Variants in FOXN3 observed in about 807,000 individuals in gnomAD.
FOXN3 encodes the protein forkhead box N3, also known as forkhead box protein N3.
Under a neutral mutation model 38.4 loss-of-function variants are expected in FOXN3, and 7 were observed. The ratio of observed to expected loss-of-function variants is 0.18; its 90% CI spans 0.10 to 0.34. The LOEUF (loss-of-function observed/expected upper bound fraction) is 0.34, where lower values mean the gene tolerates loss of function less well. Among genes scored for constraint, FOXN3 ranks in the 10% least tolerant of loss-of-function variants. The pLI is 1.00. For missense variants in FOXN3, 456 were observed against 613.4 expected (o/e 0.74, Z 2.71); for synonymous variants, 230 against 242.2 (o/e 0.95, Z 0.47).
At chr14:89,435,523 C>A (rs1892257867) in intron 1 of FOXN3, among the ~76,000 whole-genome samples, 1 of 152,180 alleles carries the variant, frequency 6.6e-6, no homozygotes, top group African/African-American at 2.4e-5. Context: ...CCATGGCGCT[C>A]CCAGATAGAC....
rs180801041 is a variant in FOXN3, at chr14:89,293,392, G to C, written c.681-12378C>G. ...AGAAATTCCTCCTCTCACAGTCCTG[G>C]AGGGCAGAAGTCCAAGATCAAGGGG... On this transcript the variant is annotated intron_variant, in intron 3 of 5. Transcript: ENST00000557258. Among the ~76,000 whole-genome samples, 328 of 152,326 alleles carry C rather than the reference G, an allele frequency of 2.2e-3. 2 individuals carry two copies. Among genetic ancestry groups the C allele is most frequent in the African/African-American group, 7.5e-3 (312 of 41,562 alleles).
At chr14:89,258,325 G>A (rs1885690555) in intron 4 of FOXN3, among the ~76,000 whole-genome samples, 1 of 152,228 alleles carries the variant, frequency 6.6e-6, no homozygotes, top group African/African-American at 2.4e-5. Context: ...GGGAAAGAAA[G>A]CTTCATAACC....
intron 2 of FOXN3, among the ~76,000 whole-genome samples, chr14:89,381,532 C>CAAAAAAAAAAAAA (rs71897384): frequency 4.3e-4 from 33 of 75,914 alleles, no homozygotes; most frequent in Non-Finnish European, 6.0e-4. Flanking sequence ...CCTCAAAAAG[C>CAAAAAAAAAAAAA]AAAAAAAAAA....
chr14:89,192,213 TATGA>T (rs1450174762), intron 4 of FOXN3, among the ~76,000 whole-genome samples: 1 of 146,862 alleles, frequency 6.8e-6, no homozygotes, highest in African/African-American at 2.5e-5. Context: ...TAAATATGTA[TATGA>T]ATATTATATA....
chr14:89,614,535 T>C (rs560610656), intron 1 of FOXN3, among the ~76,000 whole-genome samples: 25 of 152,306 alleles, frequency 1.6e-4, no homozygotes, highest in African/African-American at 5.8e-4. Context: ...AAGCAGCCTC[T>C]TAAATTGTCA....
intron 3 of FOXN3, among the ~76,000 whole-genome samples, chr14:89,325,289 C>CCAA (rs1555418091): frequency 7.8e-6 from 1 of 128,656 alleles, no homozygotes; most frequent in Non-Finnish European, 1.7e-5. Flanking sequence ...AACACCAACA[C>CCAA]CACCAACACC....
chr14:89,596,862 A>G (rs1233496437), intron 1 of FOXN3, among the ~76,000 whole-genome samples: 1 of 150,734 alleles, frequency 6.6e-6, no homozygotes, highest in African/African-American at 2.4e-5. Flanking sequence ...CCCTTTTTTC[A>G]TTCCTCATAG....
intron 4 of FOXN3, among the ~76,000 whole-genome samples, chr14:89,238,063 A>G (rs1415744926): frequency 6.6e-6 from 1 of 152,222 alleles, no homozygotes; most frequent in African/African-American, 2.4e-5. Context: ...GATCTCCTCT[A>G]AGGAGTTGCT....
At chr14:89,313,933 T>A (rs1343391724) in intron 3 of FOXN3, among the ~76,000 whole-genome samples, 1 of 152,022 alleles carries the variant, frequency 6.6e-6, no homozygotes. Flanking sequence ...CCCAGAGTAG[T>A]CAAATTCGTA....
chr14:89,182,152 T>C (rs1439826588), intron 4 of FOXN3, among the ~76,000 whole-genome samples: 2 of 152,378 alleles, frequency 1.3e-5, no homozygotes, highest in South Asian at 2.1e-4. Context: ...CAATATTATA[T>C]AGGTAGAATA....
intron 1 of FOXN3, among the ~76,000 whole-genome samples, chr14:89,566,173 C>CCATACA (rs896888975): frequency 2.0e-5 from 3 of 152,196 alleles, no homozygotes; most frequent in Non-Finnish European, 2.9e-5. Context: ...AAAACCTCAC[C>CCATACA]CATACACACT....
At chr14:89,301,805 T>C (rs1288715272) in intron 3 of FOXN3, among the ~76,000 whole-genome samples, 1 of 151,946 alleles carries the variant, frequency 6.6e-6, no homozygotes, top group East Asian at 1.9e-4. Flanking sequence ...ATCTCTTCTG[T>C]CTCCCAAGGC....
chr14:89,449,163 C>A (rs77346367), intron 1 of FOXN3, among the ~76,000 whole-genome samples: 1,804 of 152,240 alleles, frequency 0.012, 28 homozygotes, highest in African/African-American at 0.041. Flanking sequence ...TCAATGTATT[C>A]CTTTGTTTTG....
Position 89,162,733 on chromosome 14 carries a change from C to A in FOXN3, c.1088G>T (p.Arg363Leu), listed in dbSNP as rs759916715. 1.2e-6 allele frequency: 2 copies of A among 1,613,712 alleles called. No homozygotes were observed. The highest frequency in any genetic ancestry group is 1.7e-6 in the Non-Finnish European group (2 of 1,179,862). ...EGSEGSEGSF[R>L]SHESPSDTEE... ...CGTGTCGCTGGGGCTCTCGTGGCTC[C>A]GGAAGCTCCCCTCGCTGCCCTCGCT... Residue 363 changes from arginine (R) to leucine (L), a missense_variant, in exon 6 of 6, where the codon CGG becomes CTG. Transcript: ENST00000557258. This position sits in a 1 kb window ranked among gnomAD's most constrained non-coding sequence, Gnocchi z 7.2.
At chr14:89,380,070 G>A (rs559324273) in intron 2 of FOXN3, among the ~76,000 whole-genome samples, 9 of 152,252 alleles carry the variant, frequency 5.9e-5, no homozygotes, top group East Asian at 3.9e-4. Context: ...ATTTAGCTGC[G>A]TCCCCATCCA....
intron 1 of FOXN3, among the ~76,000 whole-genome samples, chr14:89,580,022 G>T (rs1376458036): frequency 6.6e-6 from 1 of 152,092 alleles, no homozygotes; most frequent in Non-Finnish European, 1.5e-5. Flanking sequence ...AGGTTCCCAG[G>T]GTTCAGTGCA....
intron 4 of FOXN3, among the ~76,000 whole-genome samples, chr14:89,195,273 C>T (rs901913835): frequency 6.6e-6 from 1 of 152,120 alleles, no homozygotes. Context: ...CAGTGCTGCC[C>T]CACTCTCTTC....
At chr14:89,291,677 T>G (rs1886877083) in intron 3 of FOXN3, 1 of 415,534 alleles carries the variant, frequency 2.4e-6, no homozygotes, top group Admixed American at 3.2e-5. Context: ...TGGCCCTTAT[T>G]GTGTTGTTTT....
In FOXN3 at chr14:89,487,946, C is replaced by T. The variant is rs578068901; in HGVS notation, c.-14-75456G>A. Among the ~76,000 whole-genome samples the T allele has an allele frequency of 3.9e-5, 6 of 152,142 alleles. No homozygotes were observed. In the East Asian group the frequency reaches 7.8e-4, roughly 20 times the overall value. On this transcript the variant is annotated intron_variant, in intron 1 of 6. Coordinates refer to the FOXN3 transcript ENST00000345097. The stretch of plus-strand genomic sequence containing the variant: ...AACAAAAACCAGACAGCAACCAAAG[C>T]GAAGGCCCGGAGGTTGGAAAGCGTG...
Sources: allele counts gnomAD v4.1 joint callset (sites outside exome capture counted in the v4.1 genomes callset), GRCh38; gene constraint gnomAD v4.1.1; non-coding constraint Gnocchi (gnomAD v3.1); transcripts MANE v1.5; gene names NCBI Gene and HGNC (gene_info 2026-07-23, HGNC 2026-07-21).